Variants in CNTNAP2 observed in about 807,000 individuals in gnomAD.
CNTNAP2 encodes contactin-associated protein-like 2.
CNTNAP2 carries 98 observed loss-of-function variants against 155.2 expected under a neutral mutation model. The observed-to-expected ratio is 0.63, with a 90% CI of 0.54 to 0.75. The LOEUF (loss-of-function observed/expected upper bound fraction) is 0.75, where lower values mean the gene tolerates loss of function less well. Among genes scored for constraint, CNTNAP2 ranks in the 30% least tolerant of loss-of-function variants. The probability of loss-of-function intolerance (pLI) is 0.00; values close to 1 mark genes in which losing one functional copy is unlikely to be tolerated. For synonymous variants in CNTNAP2, 651 were observed against 631.2 expected (o/e 1.03, Z -0.47); for missense variants, 1,727 against 1,688.1 (o/e 1.02, Z -0.40).
At chr7:147,100,602 T>C (rs1371279551) in intron 4 of CNTNAP2, among the ~76,000 whole-genome samples, 1 of 152,252 alleles carries the variant, frequency 6.6e-6, no homozygotes, top group African/African-American at 2.4e-5. Context: ...AATAAAAGCA[T>C]GTTATGTTTA....
intron 1 of CNTNAP2, among the ~76,000 whole-genome samples, chr7:146,169,935 G>C (rs1254517248): frequency 6.6e-6 from 1 of 151,550 alleles, no homozygotes; most frequent in Non-Finnish European, 1.5e-5. Context: ...TAGCAATGCA[G>C]GTATCACTTC....
chr7:147,363,324 A>G (rs1796175565), intron 9 of CNTNAP2, among the ~76,000 whole-genome samples: 1 of 152,088 alleles, frequency 6.6e-6, no homozygotes, highest in Admixed American at 6.6e-5. Flanking sequence ...GGATTCCCCA[A>G]CTCTGAACTG....
At chr7:147,359,930 A>T (rs1225021384) in intron 9 of CNTNAP2, among the ~76,000 whole-genome samples, 1 of 152,142 alleles carries the variant, frequency 6.6e-6, no homozygotes, top group African/African-American at 2.4e-5. Flanking sequence ...GTTTTTTATA[A>T]ACAACATAAA....
chr7:146,536,730 C>T (rs1301504409), intron 1 of CNTNAP2, among the ~76,000 whole-genome samples: 1 of 152,066 alleles, frequency 6.6e-6, no homozygotes. Context: ...CAAGACATCT[C>T]TAGTCACGTT....
chr7:146,607,580 A>G (rs1447054477), intron 1 of CNTNAP2, among the ~76,000 whole-genome samples: 1 of 151,748 alleles, frequency 6.6e-6, no homozygotes, highest in Non-Finnish European at 1.5e-5. Flanking sequence ...GGGCTCAAGC[A>G]TTTCTCCCAC....
chr7:148,246,266 G>A (rs1045784478), intron 20 of CNTNAP2, among the ~76,000 whole-genome samples: 2 of 152,208 alleles, frequency 1.3e-5, no homozygotes, highest in Admixed American at 1.3e-4. Context: ...GGATGTGTCT[G>A]CTACGTTGTT....
At chr7:146,670,461 C>T (rs546769316) in intron 1 of CNTNAP2, among the ~76,000 whole-genome samples, 3 of 92,234 alleles carry the variant, frequency 3.3e-5, no homozygotes, top group Admixed American at 9.0e-5. Flanking sequence ...TCTAGATGTG[C>T]GAACTCTAGC....
intron 8 of CNTNAP2, among the ~76,000 whole-genome samples, chr7:147,203,643 A>AT (rs1367474578): frequency 6.6e-6 from 1 of 152,238 alleles, no homozygotes; most frequent in Non-Finnish European, 1.5e-5. Flanking sequence ...TTAAAACTAT[A>AT]TTATTAAAGT....
intron 3 of CNTNAP2, among the ~76,000 whole-genome samples, chr7:146,972,602 T>G (rs1797825989): frequency 1.3e-5 from 2 of 152,022 alleles, no homozygotes; most frequent in African/African-American, 4.8e-5. Flanking sequence ...AAAATGAAAA[T>G]TTTGGAGATT....
intron 1 of CNTNAP2, among the ~76,000 whole-genome samples, chr7:146,382,695 A>G (rs1283581452): frequency 2.0e-5 from 3 of 152,204 alleles, no homozygotes; most frequent in Non-Finnish European, 4.4e-5. Flanking sequence ...TTAATAAGCC[A>G]GAGGTGATAA....
At chr7:146,867,379 T>C (rs761289949) in intron 3 of CNTNAP2, among the ~76,000 whole-genome samples, 1 of 152,172 alleles carries the variant, frequency 6.6e-6, no homozygotes, top group African/African-American at 2.4e-5. Flanking sequence ...GCATTATATT[T>C]CATGGTGTAT....
In CNTNAP2 at chr7:147,037,414, C is replaced by T. The variant is rs1289821531; in HGVS notation, c.403-6493C>T. ...ACTTGTTACTTTGTCCCAAGTTTGT[C>T]TTTACTAGGTATTCGACATCCAGTT... On this transcript the variant is annotated intron_variant, in intron 3 of 23. Transcript: ENST00000361727. 2.9e-5 allele frequency among the ~76,000 whole-genome samples: 4 copies of T among 137,382 alleles called. No individual in the cohort carries two copies. In the East Asian group the frequency reaches 6.4e-4, roughly 22 times the overall value. The allele number at this position is 137,382 out of a possible 152,430, so 90.1% of individuals were successfully genotyped here. A position where few individuals can be genotyped will look rare whatever the true frequency, so the allele number is the denominator to read the frequency against.
intron 1 of CNTNAP2, among the ~76,000 whole-genome samples, chr7:146,717,526 C>G (rs924403342): frequency 2.6e-5 from 4 of 151,990 alleles, no homozygotes; most frequent in South Asian, 2.1e-4. Context: ...TGTTATTAAA[C>G]ATGTAAAAGA....
intron 21 of CNTNAP2, among the ~76,000 whole-genome samples, chr7:148,343,968 C>T (rs1798277436): frequency 6.6e-6 from 1 of 152,202 alleles, no homozygotes; most frequent in African/African-American, 2.4e-5. Context: ...TATATGCCAG[C>T]AACTGCATGT....
intron 14 of CNTNAP2, among the ~76,000 whole-genome samples, chr7:147,972,732 G>A (rs968128156): frequency 1.3e-5 from 2 of 152,130 alleles, no homozygotes; most frequent in African/African-American, 4.8e-5. Context: ...AGCTTATTAT[G>A]CTAACATGAT....
At chr7:146,469,096 T>C (rs1409285856) in intron 1 of CNTNAP2, among the ~76,000 whole-genome samples, 1 of 152,220 alleles carries the variant, frequency 6.6e-6, no homozygotes, top group Admixed American at 6.5e-5. Flanking sequence ...CAAAGTAATA[T>C]GCAGCATCCA....
At chr7:147,108,395 C>T (rs892701729) in intron 5 of CNTNAP2, 45 bp downstream of exon 5, 1 of 1,497,786 alleles carries the variant, frequency 6.7e-7, no homozygotes. Flanking sequence ...ATGGATGTTC[C>T]CATTAGGAAT....
intron 13 of CNTNAP2, among the ~76,000 whole-genome samples, chr7:147,839,528 T>G (rs1156412629): frequency 1.3e-5 from 2 of 152,074 alleles, no homozygotes; most frequent in Non-Finnish European, 2.9e-5. Flanking sequence ...AAGAAAGCCA[T>G]GAAGGTTGTT....
At chr7:146,221,952 T>G (rs190086140) in intron 1 of CNTNAP2, among the ~76,000 whole-genome samples, 137 of 152,286 alleles carry the variant, frequency 9.0e-4, no homozygotes, top group Admixed American at 1.5e-3. Context: ...GTGCCTAGCA[T>G]GGTAGCAGCA....
Sources: allele counts gnomAD v4.1 joint callset (sites outside exome capture counted in the v4.1 genomes callset), GRCh38; gene constraint gnomAD v4.1.1; transcripts MANE v1.5; gene names NCBI Gene and HGNC (gene_info 2026-07-23, HGNC 2026-07-21).